Variants in MMRN1 observed in about 807,000 individuals in gnomAD.
MMRN1 encodes multimerin 1.
MMRN1 carries 94 observed loss-of-function variants against 100.7 expected under a neutral mutation model. That is an observed-to-expected ratio of 0.93 (90% CI 0.79 to 1.11). The LOEUF is 1.11. MMRN1 is among the 50% of genes least tolerant of loss of function. The pLI is 0.00. For synonymous variants in MMRN1, 575 were observed against 505.0 expected, an observed-to-expected ratio of 1.14 and a Z score of -1.86; for missense variants, 1,606 against 1,439.1, an observed-to-expected ratio of 1.12 and a Z score of -1.88.
Position 89,932,230 on chromosome 4 carries a change from C to T in MMRN1, c.1130-2580C>T, listed in dbSNP as rs934524017. Among the ~76,000 whole-genome samples the T allele has an allele frequency of 2.0e-5, 3 of 152,316 alleles. No homozygotes were observed. In the East Asian group the frequency reaches 5.8e-4, roughly 29 times the overall value. ...GAAGTGATCTCCTTTGACTCCATAT[C>T]TCACATCCAGGTCACACTGATGCAA... On this transcript the variant is annotated intron_variant, in intron 5 of 7. Transcript: ENST00000264790.
chr4:89,895,387 T>C lies in MMRN1; in HGVS notation c.416T>C (p.Leu139Pro). The change falls in exon 1 of 8, where the codon CTG becomes CCG. Residue 139 changes from leucine (L) to proline (P), a missense_variant. Leu to Pro is a moderately conservative substitution (Grantham distance 98). Coordinates refer to ENST00000264790, the MANE Select transcript of MMRN1 (RefSeq NM_007351.3). ...TCAGTGGTCCTTTCCAATTCTACAC[T>C]GAAATTTCTTCAGAGCTTTGCCAGA... The part of the protein sequence containing the change: ...AESVVLSNST[L>P]KFLQSFARKS... 1.2e-6 allele frequency: 2 copies of C among 1,613,938 alleles called. No individual in the cohort carries two copies. The highest frequency in any genetic ancestry group is 1.7e-6 in the Non-Finnish European group (2 of 1,179,924).
intron 1 of MMRN1, among the ~76,000 whole-genome samples, chr4:89,905,384 T>G (rs995582652): frequency 6.6e-6 from 1 of 151,514 alleles, no homozygotes; most frequent in Non-Finnish European, 1.5e-5. Context: ...AATATTTTTC[T>G]CTCTAAATTA....
chr4:89,928,011 A>C (rs1722321299), intron 5 of MMRN1, 43 bp downstream of exon 5: 1 of 1,414,760 alleles, frequency 7.1e-7, no homozygotes, highest in South Asian at 1.4e-5. Context: ...GTAACACAGA[A>C]AGCAAATGAT....
In MMRN1 at chr4:89,927,938, A is replaced by G. The variant is rs1722315128; in HGVS notation, c.1099A>G (p.Lys367Glu). 1 of 1,601,548 alleles carries G rather than the reference A, an allele frequency of 6.2e-7. No individual in the cohort carries two copies. Among genetic ancestry groups the G allele is most frequent in the African/African-American group, 1.3e-5 (1 of 74,106 alleles). The change falls in exon 5 of 8, where the codon AAA becomes GAA. Residue 367 changes from lysine (K) to glutamate (E), a missense_variant. Transcript: ENST00000264790. ...SSLEGKVSED[K>E]SREFQSLLKG... is the part of the protein sequence containing the mutation. Reference sequence around the variant, plus strand: ...CCTAGAAGGAAAAGTCAGCGAAGATAAAAGCAGAGAATTTCAATCTCTTCT... The same window carrying G: ...CCTAGAAGGAAAAGTCAGCGAAGATGAAAGCAGAGAATTTCAATCTCTTCT...
intron 6 of MMRN1, 107 bp from the exon 7 acceptor site, chr4:89,951,498 T>C: frequency 8.3e-7 from 1 of 1,203,652 alleles, no homozygotes; most frequent in Non-Finnish European, 1.1e-6. Context: ...CCATTTTTCT[T>C]ACTTAAAATT....
At chr4:89,952,945 A>T (rs111987990) in intron 7 of MMRN1, 52 bp from the exon 8 acceptor site, 2 of 1,192,604 alleles carry the variant, frequency 1.7e-6, no homozygotes, top group Admixed American at 3.3e-5. Context: ...TAAGGAAAGA[A>T]AAATAAGATA....
Position 89,900,006 on chromosome 4 carries a change from C to T in MMRN1, c.623+4412C>T, listed in dbSNP as rs566464990. Reference sequence around the variant, plus strand: ...TGTAAGTGACACATTATTTTAGGTACTAATCAGAAGGAAAAGTATGACATC... The same window carrying T: ...TGTAAGTGACACATTATTTTAGGTATTAATCAGAAGGAAAAGTATGACATC... On this transcript the variant is annotated intron_variant, in intron 1 of 7. Coordinates refer to ENST00000264790, the MANE Select transcript of MMRN1 (RefSeq NM_007351.3). Among the ~76,000 whole-genome samples the T allele has an allele frequency of 3.9e-4, 59 of 152,052 alleles. No homozygotes were observed. The South Asian group carries it at 5.0e-3, about 13-fold the overall frequency.
intron 6 of MMRN1, among the ~76,000 whole-genome samples, chr4:89,946,866 G>C (rs1032486743): frequency 2.0e-5 from 3 of 152,138 alleles, no homozygotes; most frequent in Non-Finnish European, 4.4e-5. Flanking sequence ...CACAGTGGTA[G>C]AATGTTGACT....
chr4:89,913,773 C>T (rs1721828419), intron 3 of MMRN1, among the ~76,000 whole-genome samples: 1 of 151,124 alleles, frequency 6.6e-6, no homozygotes, highest in African/African-American at 2.4e-5. Flanking sequence ...TGATTATGAC[C>T]TTCTGTCATA....
intron 5 of MMRN1, among the ~76,000 whole-genome samples, chr4:89,931,618 G>A (rs1022178266): frequency 2.6e-5 from 4 of 152,158 alleles, no homozygotes; most frequent in Non-Finnish European, 4.4e-5. Flanking sequence ...CCACATGGCT[G>A]GGGAGGCCTC....
At chr4:89,901,119 C>T (rs1721370648) in intron 1 of MMRN1, among the ~76,000 whole-genome samples, 1 of 145,376 alleles carries the variant, frequency 6.9e-6, no homozygotes, top group South Asian at 2.1e-4. Flanking sequence ...CAAAAGAGAG[C>T]CATTAAAGCC....
intron 1 of MMRN1, among the ~76,000 whole-genome samples, chr4:89,889,464 G>C (rs777291366): frequency 6.6e-6 from 1 of 152,062 alleles, no homozygotes; most frequent in African/African-American, 2.4e-5. Context: ...CATAGTTCCT[G>C]CTTATCCCTG....
At chr4:89,919,188 GAAAT>G (rs1722012637) in intron 3 of MMRN1, among the ~76,000 whole-genome samples, 1 of 151,094 alleles carries the variant, frequency 6.6e-6, no homozygotes, top group East Asian at 1.9e-4. Context: ...TTTTAAAAAA[GAAAT>G]AATTTAAAAT....
intron 1 of MMRN1, among the ~76,000 whole-genome samples, chr4:89,897,214 A>ATTT (rs201158467): frequency 6.2e-4 from 92 of 149,038 alleles, no homozygotes; most frequent in African/African-American, 7.6e-4. Flanking sequence ...ATAGCTAAGA[A>ATTT]TTTTTTTTTT....
Position 89,927,861 on chromosome 4 carries a change from A to G in MMRN1, c.1022A>G (p.Lys341Arg), listed in dbSNP as rs1722310998. Residue 341 changes from lysine (K) to arginine (R), a missense_variant, in exon 5 of 8, where the codon AAG becomes AGG. Coordinates refer to ENST00000264790, the MANE Select transcript of MMRN1 (RefSeq NM_007351.3). ...QAMKLTLLQKKIDNISLTVND... is the reference protein window; with the variant it reads ...QAMKLTLLQKRIDNISLTVND... ...ATGAAACTGACTCTTCTGCAGAAGAAGATTGACAATATTTCTTTGACTGTG... is the reference window on the plus strand; with the variant it reads ...ATGAAACTGACTCTTCTGCAGAAGAGGATTGACAATATTTCTTTGACTGTG... 6.2e-7 allele frequency: 1 copy of G among 1,612,848 alleles called. No individual in the cohort carries two copies. Among genetic ancestry groups the G allele is most frequent in the East Asian group, 2.2e-5 (1 of 44,734 alleles).
At chr4:89,919,736 C>A (rs1313559993) in intron 3 of MMRN1, among the ~76,000 whole-genome samples, 1 of 151,982 alleles carries the variant, frequency 6.6e-6, no homozygotes, top group Non-Finnish European at 1.5e-5. Context: ...AAAATTCATA[C>A]TCAAGATACC....
At chr4:89,923,326 A>G (rs1722149968) in intron 4 of MMRN1, 54 bp downstream of exon 4, 4 of 1,470,788 alleles carry the variant, frequency 2.7e-6, no homozygotes, top group Non-Finnish European at 2.8e-6. Context: ...AATGCTATTT[A>G]TTACAACTTC....
chr4:89,923,611 G>A (rs1232629894), intron 4 of MMRN1, among the ~76,000 whole-genome samples: 1 of 152,122 alleles, frequency 6.6e-6, no homozygotes, highest in Non-Finnish European at 1.5e-5. Flanking sequence ...GACATGGAAG[G>A]AACAACTTAT....
rs751648461 is a variant in MMRN1 at position 89,953,055 on chromosome 4, G to A, written c.3324G>A (p.Thr1108=). The A allele has an allele frequency of 3.1e-5, 50 of 1,613,398 alleles. No homozygotes were observed. Among genetic ancestry groups the A allele is most frequent in the East Asian group, 2.9e-4 (13 of 44,864 alleles). The change falls in exon 8 of 8, where the codon ACG becomes ACA. Residue 1108 remains threonine, a synonymous_variant. Transcript: ENST00000264790. Reference sequence around the variant, plus strand: ...TGGTGGCATTTTTTGCATCTCATACGTATGGAATGACTATACCTGGTCCTA... The same window carrying A: ...TGGTGGCATTTTTTGCATCTCATACATATGGAATGACTATACCTGGTCCTA... ...APMVAFFASH[T]YGMTIPGPIL... is the part of the protein sequence containing the mutation.
Sources: gnomAD v4.1 joint callset for allele counts (sites outside exome capture counted in the v4.1 genomes callset) on GRCh38, gnomAD v4.1.1 for gene constraint, MANE v1.5 for transcripts, NCBI Gene and HGNC (gene_info 2026-07-23, HGNC 2026-07-21) for gene names.